ZNF566: variants seen among roughly 807,000 people sequenced by gnomAD.
ZNF566 encodes zinc finger protein 566.
A neutral mutation model predicts 32.8 loss-of-function variants in ZNF566; 27 were observed. The ratio of observed to expected loss-of-function variants is 0.82; its 90% CI spans 0.61 to 1.14. The LOEUF (loss-of-function observed/expected upper bound fraction) is 1.14. Ranked by LOEUF, ZNF566 falls within the 50% of genes most tolerant of loss-of-function variation. The pLI is 0.00. For missense variants in ZNF566, 402 were observed against 490.4 expected, an observed-to-expected ratio of 0.82 and a Z score of 1.70; for synonymous variants, 154 against 159.5, an observed-to-expected ratio of 0.97 and a Z score of 0.26.
chr19:36,484,714 C>G (rs1273293190), intron 1 of ZNF566, among the ~76,000 whole-genome samples: 1 of 151,492 alleles, frequency 6.6e-6, no homozygotes, highest in Non-Finnish European at 1.5e-5. Context: ...CAGAGCCTCC[C>G]GAATAGCTGG....
intron 4 of ZNF566, among the ~76,000 whole-genome samples, chr19:36,453,441 C>G (rs2033215030): frequency 6.7e-6 from 1 of 150,128 alleles, no homozygotes; most frequent in African/African-American, 2.4e-5. Context: ...CCACTGCACT[C>G]CAGCCTGGGT....
At chr19:36,481,748 A>T (rs113448366) in intron 1 of ZNF566, among the ~76,000 whole-genome samples, 73 of 152,312 alleles carry the variant, frequency 4.8e-4, no homozygotes, top group African/African-American at 1.7e-3. Context: ...GCAATAGAAA[A>T]ATACATATAT....
intron 2 of ZNF566, 154 bp downstream of exon 2, chr19:36,476,395 C>A: frequency 1.9e-6 from 1 of 534,428 alleles, no homozygotes; most frequent in South Asian, 3.4e-5. Flanking sequence ...GAGATCCTTT[C>A]CTTTACAGCA....
intron 4 of ZNF566, among the ~76,000 whole-genome samples, chr19:36,461,602 C>G (rs2033464564): frequency 6.6e-6 from 1 of 152,034 alleles, no homozygotes; most frequent in Non-Finnish European, 1.5e-5. Flanking sequence ...ACCCAGGAGG[C>G]AGAGGTTGCA....
chr19:36,465,143 G>T (rs1368346797), intron 4 of ZNF566, among the ~76,000 whole-genome samples: 1 of 151,996 alleles, frequency 6.6e-6, no homozygotes, highest in African/African-American at 2.4e-5. Context: ...ATATGGAAAG[G>T]TAATCATCTT....
At chr19:36,472,217 T>C (rs1568525211) in intron 4 of ZNF566, among the ~76,000 whole-genome samples, 1 of 152,102 alleles carries the variant, frequency 6.6e-6, no homozygotes, top group Non-Finnish European at 1.5e-5. Context: ...GGCCCTTTAT[T>C]TCCAACCCTC....
At chr19:36,462,240 G>A (rs780306023) in intron 4 of ZNF566, among the ~76,000 whole-genome samples, 6 of 151,994 alleles carry the variant, frequency 3.9e-5, no homozygotes, top group African/African-American at 1.2e-4. Context: ...CACCCACCTC[G>A]GCCTCCCAAA....
At chr19:36,461,408 C>T (rs932286201) in intron 4 of ZNF566, among the ~76,000 whole-genome samples, 1 of 152,208 alleles carries the variant, frequency 6.6e-6, no homozygotes, top group African/African-American at 2.4e-5. Context: ...CAGTGGCTTA[C>T]GCCTGTGATC....
intron 1 of ZNF566, among the ~76,000 whole-genome samples, chr19:36,488,955 C>T (rs2034240853): frequency 6.6e-6 from 1 of 152,148 alleles, no homozygotes; most frequent in East Asian, 1.9e-4. Flanking sequence ...GGGTCGCACA[C>T]GCAGGGCCTC....
rs2033097606 is a variant in ZNF566 at position 36,449,729 on chromosome 19, T to G, written c.505A>C (p.Lys169Gln). Residue 169 changes from lysine (K) to glutamine (Q), a missense_variant, in exon 5 of 5, where the codon AAA becomes CAA. Lys to Gln is a moderately conservative substitution (Grantham distance 53, BLOSUM62 1). Transcript: ENST00000452939. Reference protein sequence around the residue: ...TLQQIINSKKKFCASKEYRKT... With the variant: ...TLQQIINSKKQFCASKEYRKT... Reference sequence around the variant, plus strand: ...CTATATTCTTTAGATGCACAGAATTTCTTTTTACTGTTAATGATTTGCTGT... The same window carrying G: ...CTATATTCTTTAGATGCACAGAATTGCTTTTTACTGTTAATGATTTGCTGT... The G allele has an allele frequency of 1.2e-6, 2 of 1,614,046 alleles. No homozygotes were observed. Among genetic ancestry groups the G allele is most frequent in the African/African-American group, 1.3e-5 (1 of 74,930 alleles).
chr19:36,463,697 C>G (rs964387112), intron 4 of ZNF566, among the ~76,000 whole-genome samples: 1 of 150,694 alleles, frequency 6.6e-6, no homozygotes, highest in African/African-American at 2.5e-5. Flanking sequence ...TGTGCGCCAC[C>G]ACACCTGGCT....
At chr19:36,468,504 G>T (rs1169552903) in intron 4 of ZNF566, among the ~76,000 whole-genome samples, 1 of 151,604 alleles carries the variant, frequency 6.6e-6, no homozygotes, top group Non-Finnish European at 1.5e-5. Flanking sequence ...AATTCGGGAG[G>T]CTAAGGCATG....
At chr19:36,485,348 G>C (rs2034134339) in intron 1 of ZNF566, among the ~76,000 whole-genome samples, 1 of 151,220 alleles carries the variant, frequency 6.6e-6, no homozygotes, top group African/African-American at 2.4e-5. Flanking sequence ...GGCTGAGGTG[G>C]AAGAATTGCT....
chr19:36,478,999 G>A (rs1422773285), intron 1 of ZNF566, among the ~76,000 whole-genome samples: 2 of 152,144 alleles, frequency 1.3e-5, no homozygotes, highest in Admixed American at 6.6e-5. Flanking sequence ...TGATGCCTAC[G>A]CTGCTTGCTG....
chr19:36,454,782 A>G (rs2033258456), intron 4 of ZNF566, among the ~76,000 whole-genome samples: 1 of 152,184 alleles, frequency 6.6e-6, no homozygotes, highest in Non-Finnish European at 1.5e-5. Context: ...TGATGGCTTC[A>G]CTAGTAAATT....
intron 4 of ZNF566, among the ~76,000 whole-genome samples, chr19:36,451,594 G>A (rs1568509400): frequency 6.6e-6 from 1 of 152,060 alleles, no homozygotes; most frequent in Admixed American, 6.6e-5. Context: ...ATAATTATAA[G>A]CTTTGTTTTC....
chr19:36,452,305 T>C (rs1046990079), intron 4 of ZNF566, among the ~76,000 whole-genome samples: 1 of 151,750 alleles, frequency 6.6e-6, no homozygotes, highest in Non-Finnish European at 1.5e-5. Context: ...CGGAATGAGA[T>C]ATGATGAAAA....
intron 4 of ZNF566, among the ~76,000 whole-genome samples, chr19:36,468,210 A>C (rs2033676073): frequency 6.6e-6 from 1 of 150,424 alleles, no homozygotes; most frequent in Non-Finnish European, 1.5e-5. Flanking sequence ...AAAAAATTAA[A>C]GTTTGACAAT....
chr19:36,469,488 C>T (rs376113276), intron 4 of ZNF566, among the ~76,000 whole-genome samples: 3 of 151,624 alleles, frequency 2.0e-5, no homozygotes, highest in African/African-American at 4.9e-5. Context: ...TGCAGTGAGC[C>T]GAGATCACGC....
Sources: gnomAD v4.1 joint callset for allele counts (sites outside exome capture counted in the v4.1 genomes callset) on GRCh38, gnomAD v4.1.1 for gene constraint, MANE v1.5 for transcripts, NCBI Gene and HGNC (gene_info 2026-07-23, HGNC 2026-07-21) for gene names.